The following TRPV2 variants were observed in gnomAD, a reference collection of about 807,000 sequenced individuals.
TRPV2 encodes transient receptor potential cation channel subfamily V member 2.
A neutral mutation model predicts 91.0 loss-of-function variants in TRPV2; 58 were observed. The ratio of observed to expected loss-of-function variants is 0.64; its 90% CI spans 0.52 to 0.79. The LOEUF (loss-of-function observed/expected upper bound fraction) is 0.79, where lower values mean the gene tolerates loss of function less well. TRPV2 is among the 30% of genes least tolerant of loss of function. The probability of loss-of-function intolerance (pLI) is 0.00; values close to 1 mark genes in which losing one functional copy is unlikely to be tolerated. For synonymous variants in TRPV2, 417 were observed against 414.8 expected (o/e 1.01, Z -0.06); for missense variants, 807 against 969.6 (o/e 0.83, Z 2.23).
At chr17:16,431,291 A>ATATT (rs1333090555) in intron 10 of TRPV2, among the ~76,000 whole-genome samples, 2 of 67,386 alleles carry the variant, frequency 3.0e-5, no homozygotes, top group South Asian at 5.5e-4. Flanking sequence ...ATATATACAT[A>ATATT]TTTTTTTTTT....
rs759931915 is a variant in TRPV2, at chr17:16,420,143, G to C, written c.229G>C (p.Asp77His). The stretch of plus-strand genomic sequence containing the variant: ...GCCGGATCCAAACCGATTTGACCGA[G>C]ATCGGCTCTTCAATGCGGTCTCCCG... ...SQPDPNRFDR[D>H]RLFNAVSRGV... Residue 77 changes from aspartate (D) to histidine (H), a missense_variant, in exon 3 of 15, where the codon GAT becomes CAT. Coordinates refer to ENST00000338560, the MANE Select transcript of TRPV2 (RefSeq NM_016113.5). 2.5e-6 allele frequency: 4 copies of C among 1,613,776 alleles called. No homozygotes were observed. Among genetic ancestry groups the C allele is most frequent in the East Asian group, 2.2e-5 (1 of 44,890 alleles).
In TRPV2 at chr17:16,428,391, C is replaced by A. The variant is rs747931848; in HGVS notation, c.1421+4C>A. On this transcript the variant is annotated splice_donor_region_variant and intron_variant, in intron 9 of 14. Coordinates refer to ENST00000338560, the MANE Select transcript of TRPV2 (RefSeq NM_016113.5). ...ACAGCTACTTTGAAATCCTCTTGTA[C>A]GTGGGTTCTCACTCCTCCTTCTCTC... 6.2e-7 allele frequency: 1 copy of A among 1,613,972 alleles called. No individual in the cohort carries two copies. The highest frequency in any genetic ancestry group is 1.1e-5 in the South Asian group (1 of 91,086).
At chr17:16,421,427 C>T (rs1316190886) in intron 3 of TRPV2, among the ~76,000 whole-genome samples, 1 of 151,640 alleles carries the variant, frequency 6.6e-6, no homozygotes, top group Non-Finnish European at 1.5e-5. Flanking sequence ...ACCGTTTTAG[C>T]CAGGATGGTC....
intron 3 of TRPV2, among the ~76,000 whole-genome samples, chr17:16,420,525 C>A (rs569579494): frequency 6.6e-6 from 1 of 152,262 alleles, no homozygotes; most frequent in Non-Finnish European, 1.5e-5. Context: ...CCAAAGCAAT[C>A]TTTTTTTATC....
chr17:16,427,749 TG>T (rs2093390556), intron 8 of TRPV2, among the ~76,000 whole-genome samples: 1 of 152,118 alleles, frequency 6.6e-6, no homozygotes, highest in African/African-American at 2.4e-5. Flanking sequence ...TGGGGTTCCT[TG>T]GGGTAGCAGA....
Position 16,416,434 on chromosome 17 carries a change from C to G in TRPV2, c.-108+601C>G, listed in dbSNP as rs191500268. On this transcript the variant is annotated intron_variant, in intron 1 of 14. Coordinates refer to ENST00000338560, the MANE Select transcript of TRPV2 (RefSeq NM_016113.5). The stretch of plus-strand genomic sequence containing the variant: ...CTGGGCCCATGAGGGTTCCCCAACC[C>G]TGACCGAGGCCCCACCCTTGCCAAG... 1,516 of 153,604 alleles carry G rather than the reference C, an allele frequency of 9.9e-3. 12 individuals carry two copies. The highest frequency in any genetic ancestry group is 0.015 in the Non-Finnish European group (1,040 of 68,708). The allele number at this position is 153,604 out of a possible 1,614,324, so 9.5% of individuals were successfully genotyped here. A position where few individuals can be genotyped will look rare whatever the true frequency, so the allele number is the denominator to read the frequency against.
In TRPV2 at chr17:16,428,989, G is replaced by A. The variant is rs1275904003; in HGVS notation, c.1587+7G>A. ...CAGTGTCATGATCCAGAAGGTGAGA[G>A]AAGGGGGTGGCCCACCGGGACTCTT... On this transcript the variant is annotated splice_region_variant and intron_variant, in intron 10 of 14. Transcript: ENST00000338560. 2 of 1,613,910 alleles carry A rather than the reference G, an allele frequency of 1.2e-6. No homozygotes were observed. The highest frequency in any genetic ancestry group is 1.7e-6 in the Non-Finnish European group (2 of 1,179,942).
In TRPV2 at chr17:16,423,773, C is replaced by T. The variant is rs771777858; in HGVS notation, c.924+6C>T. ...CCAAGGAGGGCAAGATCGAGGTGAG[C>T]GGCTGTCCCCTTCCCACTTCCCCTC... On this transcript the variant is annotated splice_donor_region_variant and intron_variant, in intron 5 of 14. Transcript: ENST00000338560. 18 of 1,550,624 alleles carry T rather than the reference C, an allele frequency of 1.2e-5. No homozygotes were observed. Among genetic ancestry groups the T allele is most frequent in the Non-Finnish European group, 1.1e-5 (13 of 1,145,396 alleles).
intron 10 of TRPV2, among the ~76,000 whole-genome samples, chr17:16,431,066 T>C (rs1233934733): frequency 1.3e-5 from 2 of 149,122 alleles, no homozygotes; most frequent in Admixed American, 6.6e-5. Flanking sequence ...TGTTTTTTGT[T>C]TTTTGAGATG....
At chr17:16,419,276 C>T in intron 2 of TRPV2, 1 of 469,536 alleles carries the variant, frequency 2.1e-6, no homozygotes, top group East Asian at 7.0e-5. Flanking sequence ...TTCCAGTCAC[C>T]AGACGCTGCT....
At chr17:16,434,798 A>G in intron 13 of TRPV2, 92 bp from the exon 14 acceptor site, 1 of 1,223,922 alleles carries the variant, frequency 8.2e-7, no homozygotes, top group Non-Finnish European at 1.2e-6. Context: ...ATCTCTGCAT[A>G]GTCTCCCAAT....
Position 16,421,325 on chromosome 17 carries a change from C to T in TRPV2, c.334+1077C>T, listed in dbSNP as rs1452869193. On this transcript the variant is annotated intron_variant, in intron 3 of 14. Coordinates refer to ENST00000338560, the MANE Select transcript of TRPV2 (RefSeq NM_016113.5). ...TCCCGGGCTCATGCCATTCTCCTGC[C>T]TCAGCCTCAGCCTCCCGAGCAGCTG... Among the ~76,000 whole-genome samples the T allele has an allele frequency of 2.6e-5, 4 of 151,852 alleles. No homozygotes were observed. In the East Asian group the frequency reaches 7.8e-4, roughly 29 times the overall value.
Position 16,420,183 on chromosome 17 carries a change from A to T in TRPV2, c.269A>T (p.Asp90Val). The T allele has an allele frequency of 6.2e-7, 1 of 1,614,144 alleles. No individual in the cohort carries two copies. Among genetic ancestry groups the T allele is most frequent in the Non-Finnish European group, 8.5e-7 (1 of 1,179,986 alleles). Residue 90 changes from aspartate (D) to valine (V), a missense_variant, in exon 3 of 15, where the codon GAT (aspartate) becomes GTT (valine). Physicochemically the swap from Asp to Val is radical, Grantham distance 152. Coordinates refer to ENST00000338560, the MANE Select transcript of TRPV2 (RefSeq NM_016113.5). ...FNAVSRGVPE[D>V]LAGLPEYLSK... ...GCGGTCTCCCGGGGTGTCCCCGAGG[A>T]TCTGGCTGGACTTCCAGAGTACCTG...
In TRPV2 at chr17:16,426,845, G is replaced by GCTGTTGC. The variant is rs1568913794; in HGVS notation, c.1222_1228dup (p.Tyr410CysfsTer64). The GCTGTTGC allele has an allele frequency of 1.1e-5, 18 of 1,613,426 alleles. No individual in the cohort carries two copies. The highest frequency in any genetic ancestry group is 1.7e-5 in the Admixed American group (1 of 59,916). ...TCTGATCTACATGTTCATCTTCACC[G>GCTGTTGC]CTGTTGCCTACCATCAGCCTACCCT... On this transcript the variant is annotated frameshift_variant, in exon 7 of 15. Coordinates refer to ENST00000338560, the MANE Select transcript of TRPV2 (RefSeq NM_016113.5). LOFTEE classifies it high-confidence loss of function. This position sits in a 1 kb window ranked among gnomAD's most constrained non-coding sequence, Gnocchi z 6.0.
chr17:16,420,798 G>T (rs933517376), intron 3 of TRPV2, among the ~76,000 whole-genome samples: 1 of 152,046 alleles, frequency 6.6e-6, no homozygotes, highest in African/African-American at 2.4e-5. Flanking sequence ...TTTATTTTTG[G>T]AGAGATGGGG....
At chr17:16,433,869 A>C (rs774570125) in intron 13 of TRPV2, among the ~76,000 whole-genome samples, 171 bp downstream of exon 13, 1 of 152,232 alleles carries the variant, frequency 6.6e-6, no homozygotes, top group African/African-American at 2.4e-5. Flanking sequence ...GGATCTCACA[A>C]GCCATGGCTG....
chr17:16,420,850 C>T (rs1012152077), intron 3 of TRPV2, among the ~76,000 whole-genome samples: 2 of 152,154 alleles, frequency 1.3e-5, no homozygotes, highest in Non-Finnish European at 2.9e-5. Context: ...TCCTGGGCTC[C>T]AGTGATCCTT....
chr17:16,418,500 C>G (rs2093341719), intron 2 of TRPV2, among the ~76,000 whole-genome samples: 1 of 152,128 alleles, frequency 6.6e-6, no homozygotes, highest in African/African-American at 2.4e-5. Flanking sequence ...TCCTCATGGG[C>G]CAGGCTAGAC....
Position 16,428,966 on chromosome 17 carries a change from G to A in TRPV2, c.1571G>A (p.Ser524Asn). The A allele has an allele frequency of 6.2e-7, 1 of 1,614,204 alleles. No homozygotes were observed. Among genetic ancestry groups the A allele is most frequent in the Non-Finnish European group, 8.5e-7 (1 of 1,180,036 alleles). The change falls in exon 10 of 15, where the codon AGT becomes AAT. Residue 524 changes from serine to asparagine, a missense_variant. Transcript: ENST00000338560. ...GGCTTCCAGCACACAGGCATCTACA[G>A]TGTCATGATCCAGAAGGTGAGAGAA... ...TRGFQHTGIY[S>N]VMIQKVILRD...
Sources: gnomAD v4.1 joint callset for allele counts (sites outside exome capture counted in the v4.1 genomes callset) on GRCh38, gnomAD v4.1.1 for gene constraint, Gnocchi (gnomAD v3.1) non-coding constraint, MANE v1.5 for transcripts, NCBI Gene and HGNC (gene_info 2026-07-23, HGNC 2026-07-21) for gene names.